NREP: variants seen among roughly 807,000 people sequenced by gnomAD.
NREP encodes the protein neuronal regeneration related protein.
A neutral mutation model predicts 8.6 loss-of-function variants in NREP; 5 were observed. The ratio of observed to expected loss-of-function variants is 0.58; its 90% CI spans 0.30 to 1.22. The LOEUF is 1.22. NREP is among the 50% of genes most tolerant of loss of function. NREP has a pLI of 0.07. For synonymous variants in NREP, 27 were observed against 28.0 expected (o/e 0.96, Z 0.11); for missense variants, 86 against 82.5 (o/e 1.04, Z -0.17).
chr5:111,918,893 G>GAAAACAAAACAAAAC (rs57221084), intron 2 of NREP, among the ~76,000 whole-genome samples: 2 of 151,600 alleles, frequency 1.3e-5, no homozygotes, highest in Non-Finnish European at 2.9e-5. Flanking sequence ...CTTCTGCACA[G>GAAAACAAAACAAAAC]AAAACAAAAC....
chr5:111,952,865 T>C (rs1378304790), intron 2 of NREP, among the ~76,000 whole-genome samples: 2 of 152,098 alleles, frequency 1.3e-5, no homozygotes, highest in Admixed American at 6.5e-5. Flanking sequence ...AACAGATATA[T>C]AAAAAATTAG....
chr5:111,861,248 G>T (rs565353491), intron 2 of NREP, among the ~76,000 whole-genome samples: 1 of 152,122 alleles, frequency 6.6e-6, no homozygotes, highest in East Asian at 1.9e-4. Flanking sequence ...GGTATGCAGC[G>T]TCCCCTCCCT....
chr5:111,826,745 T>C (rs985644663), intron 2 of NREP, among the ~76,000 whole-genome samples: 4 of 152,182 alleles, frequency 2.6e-5, no homozygotes, highest in African/African-American at 4.8e-5. Context: ...ATGTTGGCCA[T>C]GCTGGTCTCA....
rs1487608542 is a variant in NREP, at chr5:111,757,117, AG to A, written c.-59+18del. ...GAAACCAGCGCTCCCAGCCGGGGAT[AG>A]GAATGGCATATACTTACAGACAAAA... On this transcript the variant is annotated intron_variant, in intron 1 of 3. Coordinates refer to ENST00000257435, the MANE Select transcript of NREP (RefSeq NM_004772.4). 2 of 760,174 alleles carry A rather than the reference AG, an allele frequency of 2.6e-6. No homozygotes were observed. Among genetic ancestry groups the A allele is most frequent in the African/African-American group, 3.8e-5 (2 of 52,486 alleles). The allele number at this position is 760,174 out of a possible 1,614,324, so 47.1% of individuals were successfully genotyped here.
chr5:111,765,450 CA>C (rs1751058529), intron 2 of NREP, among the ~76,000 whole-genome samples: 1 of 152,186 alleles, frequency 6.6e-6, no homozygotes, highest in Admixed American at 6.5e-5. Flanking sequence ...TTAAAGCAGG[CA>C]TTCTCCGTGT....
intron 2 of NREP, among the ~76,000 whole-genome samples, chr5:111,874,232 T>A (rs537997877): frequency 6.6e-6 from 1 of 152,314 alleles, no homozygotes; most frequent in African/African-American, 2.4e-5. Flanking sequence ...GTTCTCTTTA[T>A]CAGTCCAGAT....
intron 1 of NREP, among the ~76,000 whole-genome samples, chr5:111,975,930 T>C (rs1003584670): frequency 6.6e-6 from 1 of 152,180 alleles, no homozygotes; most frequent in African/African-American, 2.4e-5. Context: ...TATATCCACA[T>C]TTCTTCCTCC....
At chr5:111,818,232 A>G (rs193125493) in intron 2 of NREP, among the ~76,000 whole-genome samples, 13 of 152,342 alleles carry the variant, frequency 8.5e-5, no homozygotes, top group African/African-American at 1.9e-4. Flanking sequence ...ACATTATTCA[A>G]TCTAATAGTT....
At chr5:111,812,266 G>A (rs1440464916) in intron 2 of NREP, among the ~76,000 whole-genome samples, 1 of 151,972 alleles carries the variant, frequency 6.6e-6, no homozygotes, top group East Asian at 1.9e-4. Context: ...CAGCCTGTGT[G>A]AAAGAGTGAG....
chr5:111,945,739 C>T (rs939341691), intron 2 of NREP, among the ~76,000 whole-genome samples: 3 of 146,870 alleles, frequency 2.0e-5, no homozygotes, highest in South Asian at 2.3e-4. Context: ...ATCATTAGGA[C>T]ACTATGTCTC....
chr5:111,837,349 C>G (rs1044634873), intron 2 of NREP, among the ~76,000 whole-genome samples: 1 of 151,820 alleles, frequency 6.6e-6, no homozygotes, highest in Non-Finnish European at 1.5e-5. Flanking sequence ...GACACTGAAA[C>G]CTTATTTAAG....
intron 2 of NREP, among the ~76,000 whole-genome samples, chr5:111,878,126 C>T (rs1753955872): frequency 6.6e-6 from 1 of 152,178 alleles, no homozygotes. Context: ...TTTACCAATA[C>T]CCAAGAAGAA....
intron 2 of NREP, among the ~76,000 whole-genome samples, chr5:111,889,018 T>G (rs1275254700): frequency 1.3e-5 from 2 of 152,230 alleles, no homozygotes; most frequent in African/African-American, 4.8e-5. Flanking sequence ...ATAAAATGCA[T>G]GTCAGAGAAA....
chr5:111,837,241 A>G (rs1324157806), intron 2 of NREP, among the ~76,000 whole-genome samples: 1 of 152,038 alleles, frequency 6.6e-6, no homozygotes, highest in Non-Finnish European at 1.5e-5. Flanking sequence ...GAAATTACTG[A>G]TTCAAGATCC....
At chr5:111,838,699 A>T (rs1374359011) in intron 2 of NREP, among the ~76,000 whole-genome samples, 3 of 151,954 alleles carry the variant, frequency 2.0e-5, no homozygotes, top group Non-Finnish European at 2.9e-5. Flanking sequence ...CTTGAAATTC[A>T]TGATGATATA....
intron 2 of NREP, among the ~76,000 whole-genome samples, chr5:111,867,671 T>C (rs1046953808): frequency 1.9e-4 from 29 of 152,066 alleles, no homozygotes; most frequent in Admixed American, 5.9e-4. Context: ...TTAGGGAGAT[T>C]AAGAGTCACA....
intron 2 of NREP, among the ~76,000 whole-genome samples, chr5:111,936,854 A>G (rs553971371): frequency 5.3e-5 from 8 of 152,220 alleles, no homozygotes; most frequent in African/African-American, 1.9e-4. Flanking sequence ...GGGCAGCTCT[A>G]GGCCATCTAG....
intron 2 of NREP, among the ~76,000 whole-genome samples, chr5:111,806,753 C>T (rs149554196): frequency 5.5e-4 from 84 of 152,136 alleles, no homozygotes; most frequent in African/African-American, 1.9e-3. Flanking sequence ...TTCTCTGTTA[C>T]GATTTTGAAT....
At chr5:111,892,040 G>A (rs770469821) in intron 2 of NREP, among the ~76,000 whole-genome samples, 3 of 152,036 alleles carry the variant, frequency 2.0e-5, no homozygotes, top group East Asian at 1.9e-4. Context: ...AAAGCAATAA[G>A]TAGAAAAGTA....
Sources: gnomAD v4.1 joint callset for allele counts (sites outside exome capture counted in the v4.1 genomes callset) on GRCh38, gnomAD v4.1.1 for gene constraint, MANE v1.5 for transcripts, NCBI Gene and HGNC (gene_info 2026-07-23, HGNC 2026-07-21) for gene names.